Variants in SYAP1 observed in about 807,000 individuals in gnomAD.
SYAP1 encodes the protein synapse associated protein 1.
Under a neutral mutation model 29.6 loss-of-function variants are expected in SYAP1, and 3 were observed. The observed-to-expected ratio is 0.10, with a 90% CI of 0.05 to 0.26. SYAP1 has a LOEUF of 0.26. SYAP1 is among the 10% of genes least tolerant of loss of function. The pLI is 1.00. For missense variants in SYAP1, 217 were observed against 264.1 expected (o/e 0.82, Z 1.24); for synonymous variants, 102 against 102.7 (o/e 0.99, Z 0.04).
chrX:16,742,186 C>T (rs1199641950), intron 4 of SYAP1, among the ~76,000 whole-genome samples: 1 of 82,003 alleles, frequency 1.2e-5, no homozygotes, highest in African/African-American at 5.4e-5. Context: ...AAGTCTCGCT[C>T]TGTCACCCAG....
chrX:16,757,453 G>A, intron 8 of SYAP1, 144 bp downstream of exon 8: 1 of 672,031 alleles, frequency 1.5e-6, no homozygotes, highest in Non-Finnish European at 2.1e-6. Flanking sequence ...AGAGGCAATG[G>A]CTCACGCTTG....
Position 16,750,696 on chromosome X carries a change from T to C in SYAP1, c.576-4249T>C, listed in dbSNP as rs1926711268. Among the ~76,000 whole-genome samples, 4 of 110,459 alleles carry C rather than the reference T, an allele frequency of 3.6e-5. No homozygotes were observed. The Admixed American group carries it at 3.9e-4, about 11-fold the overall frequency. ...CAGGTGTGACAACTGTGCATTCTGA[T>C]GCCTCATCTAAGATAAGCTCTGTCC... On this transcript the variant is annotated intron_variant, in intron 5 of 8. Coordinates refer to ENST00000380155, the MANE Select transcript of SYAP1 (RefSeq NM_032796.4).
intron 5 of SYAP1, among the ~76,000 whole-genome samples, chrX:16,752,419 C>G: frequency 9.5e-6 from 1 of 105,644 alleles, no homozygotes; most frequent in Non-Finnish European, 1.9e-5. Flanking sequence ...GAAACACAAA[C>G]TTATGGAAAA....
At chrX:16,740,973 CT>C (rs760725647) in intron 3 of SYAP1, among the ~76,000 whole-genome samples, 2 of 109,965 alleles carry the variant, frequency 1.8e-5, no homozygotes, top group African/African-American at 3.3e-5. Flanking sequence ...ACTTCTCTTC[CT>C]TTTTTTTAAT....
intron 3 of SYAP1, among the ~76,000 whole-genome samples, chrX:16,739,812 G>A (rs931645781): frequency 9.0e-6 from 1 of 111,661 alleles, no homozygotes; most frequent in East Asian, 2.8e-4. Context: ...TGCAAGACCA[G>A]TAGGGCTAGA....
At position 16,763,761 on chromosome X, in the gene SYAP1, G is replaced by A; in HGVS notation, c.*3402G>A. ...TGCACTATTGTAATCAAGATGATTTGCTTTAATCAAAATATTGTTAAAAAT... is the reference window on the plus strand; with the variant it reads ...TGCACTATTGTAATCAAGATGATTTACTTTAATCAAAATATTGTTAAAAAT... On this transcript the variant is annotated 3_prime_UTR_variant, in exon 9 of 9. Transcript: ENST00000380155. 9.0e-6 allele frequency: 1 copy of A among 111,257 alleles called. No individual in the cohort carries two copies. The highest frequency in any genetic ancestry group is 1.9e-5 in the Non-Finnish European group (1 of 53,123). 9.2% of individuals were successfully genotyped at this position (111,257 alleles called of 1,213,427 possible).
At chrX:16,759,941 TTAAA>T (rs1926944165) in intron 8 of SYAP1, among the ~76,000 whole-genome samples, 1 of 112,430 alleles carries the variant, frequency 8.9e-6, no homozygotes, top group Non-Finnish European at 1.9e-5. Flanking sequence ...ATTTACCCAT[TTAAA>T]TAAAAGGAAA....
At position 16,752,984 on chromosome X, in the gene SYAP1, G is replaced by A. The variant is rs1414038350; in HGVS notation, c.576-1961G>A. On this transcript the variant is annotated intron_variant, in intron 5 of 8. Transcript: ENST00000380155. The stretch of plus-strand genomic sequence containing the variant: ...AGGCCAGGCATGGTGGCTTACACCT[G>A]TAATCCCAGCACTTTGGGAGGCCTA... Among the ~76,000 whole-genome samples the A allele has an allele frequency of 4.5e-5, 5 of 110,691 alleles. No individual in the cohort carries two copies. In the East Asian group the frequency reaches 1.4e-3, roughly 31 times the overall value.
chrX:16,757,350 T>C, intron 8 of SYAP1, 41 bp downstream of exon 8: 1 of 1,149,828 alleles, frequency 8.7e-7, no homozygotes, highest in Middle Eastern at 2.5e-4. Context: ...ACTATTCGTC[T>C]CCCTAATTCC....
intron 5 of SYAP1, among the ~76,000 whole-genome samples, chrX:16,748,124 T>G (rs1432373765): frequency 8.9e-6 from 1 of 111,735 alleles, no homozygotes. Context: ...TGCTGAAGTA[T>G]TTACAAATGA....
intron 5 of SYAP1, among the ~76,000 whole-genome samples, chrX:16,747,286 G>A (rs1482173094): frequency 1.8e-5 from 2 of 112,027 alleles, no homozygotes; most frequent in African/African-American, 6.5e-5. Context: ...TATATAATGT[G>A]TATGTGTATG....
At position 16,761,123 on chromosome X, in the gene SYAP1, G is replaced by A. The variant is rs986653987; in HGVS notation, c.*764G>A. On this transcript the variant is annotated 3_prime_UTR_variant, in exon 9 of 9. Transcript: ENST00000380155. ...CACCTGTAATCCCAGCTACTAGGGA[G>A]GCTTTTGAACCCAGGAGGCAGAGGT... 9.4e-6 allele frequency: 1 copy of A among 106,511 alleles called. No individual in the cohort carries two copies. Among genetic ancestry groups the A allele is most frequent in the Non-Finnish European group, 1.9e-5 (1 of 51,882 alleles). 8.8% of individuals were successfully genotyped at this position (106,511 alleles called of 1,213,427 possible). A position where few individuals can be genotyped will look rare whatever the true frequency, so the allele number is the denominator to read the frequency against.
intron 1 of SYAP1, among the ~76,000 whole-genome samples, chrX:16,729,478 T>C (rs1200348615): frequency 1.1e-5 from 1 of 92,472 alleles, no homozygotes; most frequent in South Asian, 4.2e-4. Flanking sequence ...TTTTATTGAT[T>C]TTATCGATTT....
chrX:16,748,250 C>T lies in SYAP1; in HGVS notation c.575+4410C>T, dbSNP rs759386676. On this transcript the variant is annotated intron_variant, in intron 5 of 8. Coordinates refer to ENST00000380155, the MANE Select transcript of SYAP1 (RefSeq NM_032796.4). ...GCAACTGGTGAAATGCTGATACTCA[C>T]GGTAGGTAGGTCACAGGTACATGGG... is the stretch of plus-strand genomic sequence containing the variant. Among the ~76,000 whole-genome samples the T allele has an allele frequency of 4.5e-5, 5 of 111,746 alleles. No individual in the cohort carries two copies. In the South Asian group the frequency reaches 1.5e-3, roughly 33 times the overall value.
chrX:16,724,705 T>G (rs776898187), intron 1 of SYAP1, among the ~76,000 whole-genome samples: 7 of 111,914 alleles, frequency 6.3e-5, no homozygotes, highest in African/African-American at 2.3e-4. Context: ...GCAACTGCAG[T>G]AGAAAGGGAG....
intron 1 of SYAP1, among the ~76,000 whole-genome samples, chrX:16,724,718 C>T (rs922885969): frequency 2.1e-4 from 23 of 111,760 alleles, no homozygotes; most frequent in East Asian, 8.4e-4. Flanking sequence ...AAAGGGAGGA[C>T]GAGGACTCTC....
At chrX:16,720,904 T>G (rs1216891897) in intron 1 of SYAP1, among the ~76,000 whole-genome samples, 1 of 110,189 alleles carries the variant, frequency 9.1e-6, no homozygotes, top group Admixed American at 9.8e-5. Flanking sequence ...TCCCAGCTAC[T>G]CAGGAGGCTG....
Position 16,719,638 on chromosome X carries a change from T to G in SYAP1, c.-87T>G, listed in dbSNP as rs1445476458. On this transcript the variant is annotated 5_prime_UTR_variant, in exon 1 of 9. Transcript: ENST00000380155. ...TTCCTCCGACTTCCGGACATCTCCC[T>G]GGGAGTCGCGCAGAGTGGAGTCAAA... The G allele has an allele frequency of 1.3e-5, 14 of 1,052,948 alleles. No individual in the cohort carries two copies. The highest frequency in any genetic ancestry group is 3.3e-5 in the Admixed American group (1 of 30,685). 86.8% of individuals were successfully genotyped at this position (1,052,948 alleles called of 1,213,427 possible).
chrX:16,728,796 G>A (rs2147417364), intron 1 of SYAP1, among the ~76,000 whole-genome samples: 1 of 111,219 alleles, frequency 9.0e-6, no homozygotes, highest in South Asian at 3.8e-4. Context: ...CTAGCACTTT[G>A]GGAGGCTGAG....
Sources: allele counts gnomAD v4.1 joint callset (sites outside exome capture counted in the v4.1 genomes callset), GRCh38; gene constraint gnomAD v4.1.1; transcripts MANE v1.5; gene names NCBI Gene and HGNC (gene_info 2026-07-23, HGNC 2026-07-21).